NBPF9: variants seen among roughly 807,000 people sequenced by gnomAD.
NBPF9 encodes the protein NBPF member 9, also known as NBPF family member NBPF9.
A neutral mutation model predicts 97.8 loss-of-function variants in NBPF9; 91 were observed. The ratio of observed to expected loss-of-function variants is 0.93; its 90% CI spans 0.79 to 1.11. The LOEUF (loss-of-function observed/expected upper bound fraction) is 1.11, where lower values mean the gene tolerates loss of function less well. Among genes scored for constraint, NBPF9 ranks in the 50% least tolerant of loss-of-function variants. The probability of loss-of-function intolerance (pLI) is 0.00; values close to 1 mark genes in which losing one functional copy is unlikely to be tolerated. For synonymous variants in NBPF9, 334 were observed against 359.5 expected (o/e 0.93, Z 0.80); for missense variants, 992 against 939.5 (o/e 1.06, Z -0.73).
chr1:149,087,895 C>T (rs1195855332), intron 5 of NBPF9, among the ~76,000 whole-genome samples: 3 of 136,552 alleles, frequency 2.2e-5, no homozygotes, highest in Non-Finnish European at 4.5e-5. Context: ...TGCAGTGATG[C>T]GATCTCGGCT....
intron 4 of NBPF9, among the ~76,000 whole-genome samples, chr1:149,094,974 C>T (rs1487918985): frequency 2.0e-5 from 3 of 147,206 alleles, no homozygotes; most frequent in Admixed American, 6.6e-5. Context: ...GAATCTCACA[C>T]ATTTCCAAGT....
chr1:149,064,653 T>A, intron 18 of NBPF9, 171 bp from the exon 19 acceptor site: 1 of 617,070 alleles, frequency 1.6e-6, no homozygotes, highest in Non-Finnish European at 2.9e-6. Context: ...GAAAACTGGC[T>A]TGGGTTCTTT....
Position 149,077,423 on chromosome 1 carries a change from A to G in NBPF9, c.567-4T>C. ...CTCTTCAGCCTTCTGCACCTCCCTG[A>G]TGAGCCAGGTGGGACAGAGATGACA... On this transcript the variant is annotated splice_region_variant and splice_polypyrimidine_tract_variant and intron_variant, in intron 10 of 29. Transcript: ENST00000584027. 1.9e-6 allele frequency: 3 copies of G among 1,609,078 alleles called. No homozygotes were observed. In the East Asian group the frequency reaches 6.7e-5, roughly 36 times the overall value.
At chr1:149,077,900 C>T (rs781958088) in exon 10 of NBPF9, 2 of 1,496,702 alleles carry the variant, frequency 1.3e-6, no homozygotes, top group African/African-American at 1.4e-5. Flanking sequence ...CAGATGATTC[C>T]AGTACTTTCT....
chr1:149,060,263 C>A, intron 24 of NBPF9: 1 of 295,174 alleles, frequency 3.4e-6, no homozygotes, highest in South Asian at 3.7e-5. Context: ...TTTGTCACAT[C>A]TGCCCAGGTC....
At chr1:149,063,093 C>T (rs1191813815) in intron 20 of NBPF9, among the ~76,000 whole-genome samples, 180 bp from the exon 21 acceptor site, 57 of 140,182 alleles carry the variant, frequency 4.1e-4, no homozygotes, top group Non-Finnish European at 5.9e-4. Flanking sequence ...GGTTTTTGTC[C>T]CAGAAACTGT....
At chr1:149,074,887 C>G (rs1346140091) in intron 12 of NBPF9, among the ~76,000 whole-genome samples, 1 of 151,322 alleles carries the variant, frequency 6.6e-6, no homozygotes, top group South Asian at 2.1e-4. Flanking sequence ...CCTTGGCTCA[C>G]TGCAACCTCA....
chr1:149,084,569 G>A (rs1305744203), intron 5 of NBPF9, among the ~76,000 whole-genome samples: 2 of 150,078 alleles, frequency 1.3e-5, no homozygotes, highest in African/African-American at 4.9e-5. Flanking sequence ...CAGCAGCAGC[G>A]ACCAGAGGAG....
At chr1:149,058,632 G>T in intron 26 of NBPF9, 2 of 283,012 alleles carry the variant, frequency 7.1e-6, no homozygotes, top group Non-Finnish European at 1.3e-5. Flanking sequence ...AAACCCTTGA[G>T]TCCAAATCAT....
At chr1:149,065,982 G>A (rs1553651624) in intron 17 of NBPF9, 7 of 565,202 alleles carry the variant, frequency 1.2e-5, no homozygotes, top group Non-Finnish European at 2.2e-5. Context: ...ACAGAGAACT[G>A]ACACAGGGCT....
chr1:149,076,448 C>T lies in NBPF9; in HGVS notation c.779-584G>A, dbSNP rs373144911. Reference sequence around the variant, plus strand: ...CTGAGCTCAGGTGTTCCGCCCACCTCGGCCTCCCAAAGTGTTGGGATTAAG... The same window carrying T: ...CTGAGCTCAGGTGTTCCGCCCACCTTGGCCTCCCAAAGTGTTGGGATTAAG... On this transcript the variant is annotated intron_variant, in intron 11 of 29. Coordinates refer to ENST00000584027, the Ensembl canonical transcript of NBPF9. Among the ~76,000 whole-genome samples the T allele has an allele frequency of 4.7e-3, 709 of 150,798 alleles. 26 individuals are homozygous for T. Among genetic ancestry groups the T allele is most frequent in the Middle Eastern group, 0.014 (4 of 290 alleles).
rs1198191229 is a variant in NBPF9 at position 149,064,106 on chromosome 1, C to A, written c.1854-301G>T. 2.9e-5 allele frequency among the ~76,000 whole-genome samples: 4 copies of A among 138,704 alleles called. No individual in the cohort carries two copies. In the Admixed American group the frequency reaches 2.9e-4, roughly 10 times the overall value. 91.0% of individuals were successfully genotyped at this position (138,704 alleles called of 152,430 possible). On this transcript the variant is annotated intron_variant, in intron 19 of 29. Coordinates refer to ENST00000584027, the Ensembl canonical transcript of NBPF9. Reference sequence around the variant, plus strand: ...AGTCAAAGGACACTCTGTATTTGTGCTCTCAGGACACACAGTGAACAGTGA... The same window carrying A: ...AGTCAAAGGACACTCTGTATTTGTGATCTCAGGACACACAGTGAACAGTGA...
intron 5 of NBPF9, among the ~76,000 whole-genome samples, chr1:149,087,338 C>CAT (rs1231922400): frequency 4.7e-5 from 7 of 149,522 alleles, no homozygotes; most frequent in Non-Finnish European, 1.0e-4. Context: ...TATATACACA[C>CAT]ACACACACAC....
chr1:149,073,181 G>A (rs2079557270), intron 13 of NBPF9, among the ~76,000 whole-genome samples: 1 of 148,788 alleles, frequency 6.7e-6, no homozygotes, highest in African/African-American at 2.5e-5. Context: ...GTAAACAAAA[G>A]TAGGTGTTTT....
chr1:149,062,383 A>C lies in NBPF9; in HGVS notation c.2079-118T>G. On this transcript the variant is annotated intron_variant, in intron 21 of 29. Coordinates refer to ENST00000584027, the Ensembl canonical transcript of NBPF9. ...TAAAAAGAAAAAGGACAGATCCATT[A>C]ATGAGGTAATGAATTATTGCCTTTA... 6 of 664,342 alleles carry C rather than the reference A, an allele frequency of 9.0e-6. 1 individual carries two copies. The South Asian group carries it at 9.5e-5, about 11-fold the overall frequency. 41.2% of individuals were successfully genotyped at this position (664,342 alleles called of 1,614,324 possible). A position where few individuals can be genotyped will look rare whatever the true frequency, so the allele number is the denominator to read the frequency against.
intron 20 of NBPF9, 85 bp from the exon 21 acceptor site, chr1:149,062,998 A>C (rs1181983207): frequency 3.2e-6 from 2 of 624,170 alleles, no homozygotes; most frequent in Non-Finnish European, 5.6e-6. Flanking sequence ...TCACACAGGG[A>C]CTTCAGGCTC....
intron 5 of NBPF9, among the ~76,000 whole-genome samples, chr1:149,086,639 T>C (rs1420348255): frequency 2.6e-5 from 4 of 152,242 alleles, no homozygotes; most frequent in Non-Finnish European, 5.9e-5. Context: ...GTTAATCATT[T>C]ATGTATTTAG....
chr1:149,065,616 G>C (rs1474618528), exon 18 of NBPF9: 2 of 1,603,710 alleles, frequency 1.2e-6, no homozygotes, highest in Non-Finnish European at 8.5e-7. Context: ...ATTTCAGGAG[G>C]AATTGAGGGA....
At chr1:149,084,240 C>T (rs754665983) in intron 5 of NBPF9, among the ~76,000 whole-genome samples, 9 of 141,344 alleles carry the variant, frequency 6.4e-5, no homozygotes, top group South Asian at 2.2e-4. Flanking sequence ...ACATGGCACA[C>T]GTATATATAT....
Sources: gnomAD v4.1 joint callset for allele counts (sites outside exome capture counted in the v4.1 genomes callset) on GRCh38, gnomAD v4.1.1 for gene constraint, MANE v1.5 for transcripts, NCBI Gene and HGNC (gene_info 2026-07-23, HGNC 2026-07-21) for gene names.